The following CDK14 variants were observed in gnomAD, a reference collection of about 807,000 sequenced individuals.
CDK14 encodes cyclin-dependent kinase 14.
A neutral mutation model predicts 60.7 loss-of-function variants in CDK14; 34 were observed. The observed-to-expected ratio is 0.56, with a 90% CI of 0.43 to 0.75. The LOEUF is 0.75. Ranked by LOEUF, CDK14 falls within the 30% of genes least tolerant of loss-of-function variation. The pLI is 0.00. For synonymous variants in CDK14, 197 were observed against 203.7 expected (o/e 0.97, Z 0.28); for missense variants, 482 against 564.1 (o/e 0.85, Z 1.47).
At chr7:91,183,599 A>G (rs531108129) in intron 14 of CDK14, among the ~76,000 whole-genome samples, 17 of 152,306 alleles carry the variant, frequency 1.1e-4, no homozygotes, top group Admixed American at 8.5e-4. Context: ...AATGCTTGCT[A>G]TGACTACAGG....
intron 10 of CDK14, among the ~76,000 whole-genome samples, chr7:91,035,992 T>C (rs958093217): frequency 1.2e-4 from 18 of 152,110 alleles, no homozygotes; most frequent in Admixed American, 2.0e-4. Flanking sequence ...TACAGGCGCC[T>C]GCCACCGCAC....
At chr7:91,022,915 C>T (rs987354429) in intron 10 of CDK14, among the ~76,000 whole-genome samples, 1 of 152,166 alleles carries the variant, frequency 6.6e-6, no homozygotes, top group African/African-American at 2.4e-5. Context: ...ATTCCCTCAG[C>T]CTCTGGAGCT....
chr7:90,716,679 G>T (rs77345328), intron 2 of CDK14, among the ~76,000 whole-genome samples: 1 of 151,894 alleles, frequency 6.6e-6, no homozygotes, highest in Non-Finnish European at 1.5e-5. Flanking sequence ...AAAATATATT[G>T]AGTTATCTGA....
intron 11 of CDK14, among the ~76,000 whole-genome samples, chr7:91,070,316 T>C (rs2116175369): frequency 6.6e-6 from 1 of 152,134 alleles, no homozygotes; most frequent in South Asian, 2.1e-4. Context: ...TGGTGGTGTT[T>C]ATGTTTTTAT....
At chr7:91,057,051 C>T (rs925989089) in intron 11 of CDK14, among the ~76,000 whole-genome samples, 4 of 152,088 alleles carry the variant, frequency 2.6e-5, no homozygotes, top group Non-Finnish European at 5.9e-5. Flanking sequence ...CCTATTTCTC[C>T]ACATCCTCTC....
chr7:91,128,036 C>A (rs1219777359), intron 14 of CDK14, among the ~76,000 whole-genome samples: 1 of 152,132 alleles, frequency 6.6e-6, no homozygotes, highest in African/African-American at 2.4e-5. Context: ...GCGTGGAGAT[C>A]TTCATCTTGT....
chr7:90,680,376 A>T (rs1024672132), intron 2 of CDK14, among the ~76,000 whole-genome samples: 2 of 152,212 alleles, frequency 1.3e-5, no homozygotes, highest in Non-Finnish European at 2.9e-5. Context: ...GGGTCTTCAA[A>T]TATTATTTGG....
chr7:91,165,224 T>G (rs1304290713), intron 14 of CDK14, among the ~76,000 whole-genome samples: 1 of 152,192 alleles, frequency 6.6e-6, no homozygotes, highest in Non-Finnish European at 1.5e-5. Flanking sequence ...GCCTGTGACA[T>G]TTAGATTGTT....
intron 5 of CDK14, among the ~76,000 whole-genome samples, chr7:90,828,784 G>A (rs1431240787): frequency 6.6e-6 from 1 of 152,200 alleles, no homozygotes; most frequent in Non-Finnish European, 1.5e-5. Flanking sequence ...TGAGGTCTCT[G>A]TTGACACGTT....
chr7:90,836,514 G>A (rs1336002238), intron 5 of CDK14, among the ~76,000 whole-genome samples: 1 of 152,132 alleles, frequency 6.6e-6, no homozygotes, highest in African/African-American at 2.4e-5. Flanking sequence ...GCTTGGAGCT[G>A]TCATCTCCTA....
At chr7:90,731,157 T>C (rs1417925084) in intron 3 of CDK14, among the ~76,000 whole-genome samples, 1 of 152,196 alleles carries the variant, frequency 6.6e-6, no homozygotes, top group African/African-American at 2.4e-5. Context: ...AGAGATCAGA[T>C]GGTTGTAGAT....
intron 11 of CDK14, among the ~76,000 whole-genome samples, chr7:91,051,580 G>C (rs1205928856): frequency 2.0e-5 from 3 of 152,296 alleles, no homozygotes; most frequent in East Asian, 3.9e-4. Context: ...CTTGAGGTGA[G>C]AGATTGTGCT....
chr7:90,821,012 A>G (rs1022614774), intron 5 of CDK14, among the ~76,000 whole-genome samples: 1 of 152,166 alleles, frequency 6.6e-6, no homozygotes, highest in Non-Finnish European at 1.5e-5. Flanking sequence ...CTACCACTTC[A>G]TCATCTGCTT....
intron 2 of CDK14, among the ~76,000 whole-genome samples, chr7:90,644,979 A>C (rs1800428069): frequency 6.6e-6 from 1 of 152,212 alleles, no homozygotes; most frequent in South Asian, 2.1e-4. Context: ...TAGACATCTT[A>C]CCGCTAAGAA....
chr7:90,784,609 CT>C (rs1026573210), intron 4 of CDK14, among the ~76,000 whole-genome samples: 1 of 152,188 alleles, frequency 6.6e-6, no homozygotes, highest in Non-Finnish European at 1.5e-5. Context: ...TCTTCTTCCA[CT>C]TCTCTCTGTA....
chr7:90,895,048 A>G (rs1340033528), intron 6 of CDK14, among the ~76,000 whole-genome samples: 8 of 152,110 alleles, frequency 5.3e-5, no homozygotes, highest in Admixed American at 5.2e-4. Context: ...GTTTTAAAGA[A>G]GAAGTAGGAA....
intron 8 of CDK14, among the ~76,000 whole-genome samples, chr7:90,940,373 C>T (rs1333076676): frequency 6.6e-6 from 1 of 152,112 alleles, no homozygotes; most frequent in African/African-American, 2.4e-5. Context: ...GCCTTATTGG[C>T]TGCATTTTGT....
intron 12 of CDK14, among the ~76,000 whole-genome samples, chr7:91,090,704 C>T (rs897929539): frequency 6.6e-6 from 1 of 152,062 alleles, no homozygotes; most frequent in African/African-American, 2.4e-5. Context: ...TGACTCTGCC[C>T]CAGGATTTGC....
chr7:90,720,789 T>C (rs2116686415), intron 2 of CDK14, among the ~76,000 whole-genome samples: 1 of 152,194 alleles, frequency 6.6e-6, no homozygotes, highest in East Asian at 1.9e-4. Flanking sequence ...TAATAATATT[T>C]TTTGTGTCTT....
Sources: gnomAD v4.1 joint callset for allele counts (sites outside exome capture counted in the v4.1 genomes callset) on GRCh38, gnomAD v4.1.1 for gene constraint, MANE v1.5 for transcripts, NCBI Gene and HGNC (gene_info 2026-07-23, HGNC 2026-07-21) for gene names.